The following KCNAB1 variants were observed in gnomAD, a reference collection of about 807,000 sequenced individuals.
The protein encoded by KCNAB1 is voltage-gated potassium channel subunit beta-1.
A neutral mutation model predicts 64.6 loss-of-function variants in KCNAB1; 35 were observed. The observed-to-expected ratio is 0.54, with a 90% CI of 0.41 to 0.72. The LOEUF (loss-of-function observed/expected upper bound fraction) is 0.72, where lower values mean the gene tolerates loss of function less well. Among genes scored for constraint, KCNAB1 ranks in the 30% least tolerant of loss-of-function variants. The pLI is 0.00. For missense variants in KCNAB1, 401 were observed against 512.9 expected, an observed-to-expected ratio of 0.78 and a Z score of 2.11; for synonymous variants, 177 against 183.8, an observed-to-expected ratio of 0.96 and a Z score of 0.30.
At chr3:156,284,488 G>A (rs958983765) in intron 1 of KCNAB1, among the ~76,000 whole-genome samples, 36 of 152,350 alleles carry the variant, frequency 2.4e-4, no homozygotes, top group Non-Finnish European at 3.8e-4. Flanking sequence ...GCTGTGGTGG[G>A]CTCCACCCAG....
chr3:156,469,759 A>G (rs1317190373), intron 7 of KCNAB1, among the ~76,000 whole-genome samples: 1 of 152,196 alleles, frequency 6.6e-6, no homozygotes, highest in Non-Finnish European at 1.5e-5. Context: ...GTTTCTGCCA[A>G]AGATAAAGCC....
chr3:156,429,874 C>T (rs765460087), intron 2 of KCNAB1, among the ~76,000 whole-genome samples: 2 of 152,124 alleles, frequency 1.3e-5, no homozygotes, highest in Non-Finnish European at 2.9e-5. Flanking sequence ...ATCGTAACTC[C>T]GAAATACCCA....
At chr3:156,225,305 T>G (rs1716080053) in intron 1 of KCNAB1, among the ~76,000 whole-genome samples, 1 of 151,968 alleles carries the variant, frequency 6.6e-6, no homozygotes, top group African/African-American at 2.4e-5. Context: ...ACAAACAAAA[T>G]TAAAAACAAA....
At chr3:156,298,350 G>C (rs1473135939) in intron 1 of KCNAB1, among the ~76,000 whole-genome samples, 1 of 152,202 alleles carries the variant, frequency 6.6e-6, no homozygotes, top group African/African-American at 2.4e-5. Context: ...GAAACGGCTA[G>C]TTTTCTAGCT....
intron 1 of KCNAB1, among the ~76,000 whole-genome samples, chr3:156,314,012 T>A (rs1722109744): frequency 6.6e-6 from 1 of 152,240 alleles, no homozygotes; most frequent in African/African-American, 2.4e-5. Flanking sequence ...CTCACCTCTG[T>A]GTGTAACACT....
At chr3:156,297,515 A>G (rs935532101) in intron 1 of KCNAB1, among the ~76,000 whole-genome samples, 8 of 152,166 alleles carry the variant, frequency 5.3e-5, no homozygotes, top group African/African-American at 1.9e-4. Context: ...GCTATGGAAT[A>G]AGAAAATTTA....
At chr3:156,143,421 G>A in intron 1 of KCNAB1, 1 of 1,553,026 alleles carries the variant, frequency 6.4e-7, no homozygotes, top group Non-Finnish European at 8.7e-7. Flanking sequence ...TGGCATACAG[G>A]TACTGCTGAT....
chr3:156,364,429 T>C (rs1014718078), intron 1 of KCNAB1, among the ~76,000 whole-genome samples: 3 of 152,172 alleles, frequency 2.0e-5, no homozygotes, highest in South Asian at 2.1e-4. Context: ...TATTAGCAAT[T>C]ACTCTGAAGG....
downstream of KCNAB1, chr3:156,538,662 A>ATTTTCC (rs1719242308): frequency 6.6e-6 from 1 of 152,248 alleles, no homozygotes; most frequent in Non-Finnish European, 1.5e-5. Flanking sequence ...CCATATATGT[A>ATTTTCC]AAACATACAC....
chr3:156,276,940 G>C (rs1719384330), intron 1 of KCNAB1, among the ~76,000 whole-genome samples: 1 of 151,956 alleles, frequency 6.6e-6, no homozygotes, highest in African/African-American at 2.4e-5. Flanking sequence ...TCACAACTTG[G>C]CTGTTTGGCA....
chr3:156,155,692 A>T (rs1715672060), intron 1 of KCNAB1, among the ~76,000 whole-genome samples: 2 of 152,220 alleles, frequency 1.3e-5, no homozygotes, highest in African/African-American at 4.8e-5. Context: ...ATGGTAGAAT[A>T]GTAAGAAATG....
At chr3:156,401,533 G>T (rs569895368) in intron 1 of KCNAB1, among the ~76,000 whole-genome samples, 1 of 152,248 alleles carries the variant, frequency 6.6e-6, no homozygotes, top group East Asian at 1.9e-4. Flanking sequence ...CTGGCCCCTC[G>T]ATGTCCAAGT....
intron 1 of KCNAB1, among the ~76,000 whole-genome samples, chr3:156,260,107 C>T (rs561930393): frequency 3.1e-4 from 47 of 152,322 alleles, no homozygotes; most frequent in African/African-American, 1.1e-3. Context: ...CTGTCTAGGA[C>T]TTCCCAGACC....
intron 1 of KCNAB1, among the ~76,000 whole-genome samples, chr3:156,261,128 C>G (rs1301603775): frequency 6.6e-6 from 1 of 151,994 alleles, no homozygotes; most frequent in Non-Finnish European, 1.5e-5. Context: ...TAGTATTCTC[C>G]ATGCATTCTG....
chr3:156,412,666 T>C (rs1476792346), intron 1 of KCNAB1, among the ~76,000 whole-genome samples: 1 of 151,992 alleles, frequency 6.6e-6, no homozygotes, highest in Admixed American at 6.6e-5. Context: ...AAAAAGAAAG[T>C]GGTAAGGCTG....
chr3:156,495,932 A>G (rs1715979340), intron 8 of KCNAB1, among the ~76,000 whole-genome samples: 1 of 152,138 alleles, frequency 6.6e-6, no homozygotes, highest in African/African-American at 2.4e-5. Flanking sequence ...GTGAACTAGG[A>G]GTCTGGAGTC....
intron 1 of KCNAB1, among the ~76,000 whole-genome samples, chr3:156,166,241 A>G (rs141488428): frequency 1.3e-5 from 2 of 152,330 alleles, no homozygotes; most frequent in Admixed American, 6.5e-5. Flanking sequence ...TGCCATGGGC[A>G]TGAGGCAGAG....
chr3:156,132,932 A>AT, intron 1 of KCNAB1, among the ~76,000 whole-genome samples: 1 of 152,222 alleles, frequency 6.6e-6, no homozygotes, highest in Non-Finnish European at 1.5e-5. Context: ...GTATATATAC[A>AT]TTTTTGTGCA....
At chr3:156,222,631 C>G (rs1297680474) in intron 1 of KCNAB1, among the ~76,000 whole-genome samples, 2 of 152,178 alleles carry the variant, frequency 1.3e-5, no homozygotes, top group African/African-American at 4.8e-5. Context: ...AATATACATT[C>G]TATTCATCAG....
Sources: gnomAD v4.1 joint callset for allele counts (sites outside exome capture counted in the v4.1 genomes callset) on GRCh38, gnomAD v4.1.1 for gene constraint, MANE v1.5 for transcripts, NCBI Gene and HGNC (gene_info 2026-07-23, HGNC 2026-07-21) for gene names.